The following SMARCAD1 variants were observed in gnomAD, a reference collection of about 807,000 sequenced individuals.
SMARCAD1 encodes the protein SWI/SNF-related matrix-associated actin-dependent regulator of chromatin subfamily A containing DEAD/H box 1.
Under a neutral mutation model 127.1 loss-of-function variants are expected in SMARCAD1, and 25 were observed. The observed-to-expected ratio is 0.20, with a 90% CI of 0.14 to 0.27. SMARCAD1 has a LOEUF of 0.27. Ranked by LOEUF, SMARCAD1 falls within the 10% of genes least tolerant of loss-of-function variation. SMARCAD1 has a pLI of 1.00. For missense variants in SMARCAD1, 807 were observed against 1,206.0 expected (o/e 0.67, Z 4.90); for synonymous variants, 400 against 396.9 (o/e 1.01, Z -0.09).
intron 9 of SMARCAD1, 120 bp downstream of exon 9, chr4:94,253,127 A>G: frequency 1.3e-6 from 2 of 1,553,392 alleles, no homozygotes; most frequent in Non-Finnish European, 1.8e-6. Context: ...TCCTGTGTAA[A>G]GTCAAACATT....
intron 3 of SMARCAD1, among the ~76,000 whole-genome samples, chr4:94,233,253 T>C (rs139857748): frequency 8.5e-5 from 13 of 152,356 alleles, no homozygotes; most frequent in African/African-American, 2.6e-4. Context: ...TTGTTACTGT[T>C]CTAGTTCTGA....
rs1271768268 is a variant in SMARCAD1, at chr4:94,259,418, CGTGGTTA to C, written c.1282-5284_1282-5278del. On this transcript the variant is annotated intron_variant, in intron 9 of 23. Coordinates refer to ENST00000354268, the MANE Select transcript of SMARCAD1 (RefSeq NM_020159.5). ...AAACTGTCTACTGCTGTTTTACATT[CGTGGTTA>C]GTGGATTGTTATTAGATAGATCTAA... 8.5e-5 allele frequency among the ~76,000 whole-genome samples: 13 copies of C among 152,178 alleles called. 1 individual carries two copies. The East Asian group carries it at 2.3e-3, about 27-fold the overall frequency.
intron 2 of SMARCAD1, among the ~76,000 whole-genome samples, chr4:94,210,582 GAT>G (rs1742049630): frequency 6.6e-6 from 1 of 152,136 alleles, no homozygotes; most frequent in Non-Finnish European, 1.5e-5. Context: ...AGAAGAAAGA[GAT>G]ATGAGAGGTT....
At chr4:94,261,475 T>G (rs1045117019) in intron 9 of SMARCAD1, among the ~76,000 whole-genome samples, 3 of 152,264 alleles carry the variant, frequency 2.0e-5, no homozygotes, top group African/African-American at 7.2e-5. Context: ...ATAACTATTA[T>G]GAATAAAATT....
At chr4:94,251,633 C>T (rs1363980486) in intron 8 of SMARCAD1, among the ~76,000 whole-genome samples, 1 of 151,998 alleles carries the variant, frequency 6.6e-6, no homozygotes, top group Non-Finnish European at 1.5e-5. Flanking sequence ...TATAAATGCA[C>T]AAAAATAAAG....
intron 9 of SMARCAD1, among the ~76,000 whole-genome samples, chr4:94,259,673 A>G (rs558811131): frequency 1.3e-5 from 2 of 152,244 alleles, no homozygotes; most frequent in African/African-American, 2.4e-5. Flanking sequence ...TGCCTCCCCC[A>G]TTTTGTTATT....
At chr4:94,276,928 A>G in intron 15 of SMARCAD1, 94 bp from the exon 16 acceptor site, 1 of 1,271,480 alleles carries the variant, frequency 7.9e-7, no homozygotes, top group Non-Finnish European at 1.1e-6. Context: ...GTTTTAATTT[A>G]TCTCTCCTCC....
In SMARCAD1 at chr4:94,207,994, A is replaced by C; in HGVS notation, c.-126A>C. 2.6e-6 allele frequency: 1 copy of C among 392,072 alleles called. No individual in the cohort carries two copies. Among genetic ancestry groups the C allele is most frequent in the Non-Finnish European group, 5.0e-6 (1 of 199,192 alleles). 24.3% of individuals were successfully genotyped at this position (392,072 alleles called of 1,614,324 possible). Reference sequence around the variant, plus strand: ...TTCTCGAGGCAGGGGGCACGGTAGCACAGGGAGCTTCTCTTTGTGGGCGGG... The same window carrying C: ...TTCTCGAGGCAGGGGGCACGGTAGCCCAGGGAGCTTCTCTTTGTGGGCGGG... On this transcript the variant is annotated 5_prime_UTR_variant, in exon 1 of 24. Coordinates refer to ENST00000354268, the MANE Select transcript of SMARCAD1 (RefSeq NM_020159.5).
intron 2 of SMARCAD1, among the ~76,000 whole-genome samples, chr4:94,210,789 C>T (rs1302371236): frequency 2.0e-5 from 3 of 151,382 alleles, no homozygotes; most frequent in Non-Finnish European, 4.4e-5. Context: ...CAAAAATTAG[C>T]CAGGCATGGT....
intron 22 of SMARCAD1, among the ~76,000 whole-genome samples, chr4:94,283,729 G>T (rs1754440023): frequency 6.6e-6 from 1 of 151,948 alleles, no homozygotes; most frequent in Non-Finnish European, 1.5e-5. Context: ...GGAGGCTGAG[G>T]CAGGAGAACG....
intron 6 of SMARCAD1, among the ~76,000 whole-genome samples, chr4:94,243,822 T>C (rs921745394): frequency 6.6e-6 from 1 of 152,196 alleles, no homozygotes; most frequent in Non-Finnish European, 1.5e-5. Context: ...ATTTGTGATC[T>C]TTTCTATTTG....
At chr4:94,248,861 T>A (rs993900702) in intron 6 of SMARCAD1, among the ~76,000 whole-genome samples, 4 of 152,186 alleles carry the variant, frequency 2.6e-5, no homozygotes, top group African/African-American at 9.6e-5. Context: ...GCAATTCAGT[T>A]GTTGGATAAT....
chr4:94,213,415 G>C (rs983474044), intron 2 of SMARCAD1, among the ~76,000 whole-genome samples: 3 of 152,068 alleles, frequency 2.0e-5, no homozygotes, highest in Non-Finnish European at 1.5e-5. Context: ...GGAGGGTTGG[G>C]GGCAGATTAT....
chr4:94,278,213 G>A (rs1486497181), intron 16 of SMARCAD1, among the ~76,000 whole-genome samples: 3 of 152,106 alleles, frequency 2.0e-5, no homozygotes, highest in Non-Finnish European at 4.4e-5. Flanking sequence ...ACATGATTAC[G>A]TATCATAAAA....
Position 94,237,453 on chromosome 4 carries a change from G to C in SMARCAD1, c.604+435G>C, listed in dbSNP as rs138680068. ...AGCTTGCAATATAGAAGCGTGTCCA[G>C]TTTTTAAATAAATGCTGACTCGATT... On this transcript the variant is annotated intron_variant, in intron 5 of 23. Coordinates refer to ENST00000354268, the MANE Select transcript of SMARCAD1 (RefSeq NM_020159.5). Among the ~76,000 whole-genome samples the C allele has an allele frequency of 1.6e-4, 24 of 149,414 alleles. 1 individual carries two copies. The highest frequency in any genetic ancestry group is 5.6e-4 in the African/African-American group (23 of 40,728).
At chr4:94,274,015 G>GTTC (rs1752913933) in intron 12 of SMARCAD1, among the ~76,000 whole-genome samples, 1 of 152,148 alleles carries the variant, frequency 6.6e-6, no homozygotes, top group African/African-American at 2.4e-5. Flanking sequence ...GAGAAAATGA[G>GTTC]TACTTTTAAA....
At chr4:94,277,487 A>G (rs557375229) in intron 16 of SMARCAD1, among the ~76,000 whole-genome samples, 34 of 152,366 alleles carry the variant, frequency 2.2e-4, no homozygotes, top group Non-Finnish European at 4.3e-4. Flanking sequence ...TTGGCTACGT[A>G]AATTAGTAAC....
chr4:94,269,017 GTAAAGACAGAATTAGAAAATTA>G (rs1471551223), intron 10 of SMARCAD1, among the ~76,000 whole-genome samples: 2 of 152,098 alleles, frequency 1.3e-5, no homozygotes, highest in East Asian at 1.9e-4. Context: ...CAAAAGAATT[GTAAAGACAGAATTAGAAAATTA>G]TAAAGACAGA....
intron 10 of SMARCAD1, among the ~76,000 whole-genome samples, chr4:94,267,885 T>C (rs1023761813): frequency 6.6e-6 from 1 of 152,084 alleles, no homozygotes; most frequent in African/African-American, 2.4e-5. Flanking sequence ...AGCGTCAAAA[T>C]AGATGGGAAA....
Sources: allele counts gnomAD v4.1 joint callset (sites outside exome capture counted in the v4.1 genomes callset), GRCh38; gene constraint gnomAD v4.1.1; transcripts MANE v1.5; gene names NCBI Gene and HGNC (gene_info 2026-07-23, HGNC 2026-07-21).